The following OVCH2 variants were observed in gnomAD, a reference collection of about 807,000 sequenced individuals.
OVCH2 encodes the protein ovochymase 2.
Under a neutral mutation model 73.7 loss-of-function variants are expected in OVCH2, and 88 were observed. The observed-to-expected ratio is 1.19, with a 90% CI of 1.01 to 1.43. The LOEUF (loss-of-function observed/expected upper bound fraction) is 1.43. OVCH2 is among the 40% of genes most tolerant of loss of function. The pLI is 0.00. For missense variants in OVCH2, 706 were observed against 674.5 expected (o/e 1.05, Z -0.52); for synonymous variants, 265 against 234.5 (o/e 1.13, Z -1.19).
At chr11:7,682,195 G>T in the OVCH2 span, among the ~76,000 whole-genome samples, 2 of 152,172 alleles carry the variant, frequency 1.3e-5, no homozygotes, top group Non-Finnish European at 2.9e-5. Context: ...GTTTGGAGAA[G>T]AAAAAATCTC....
chr11:7,685,240 T>C (rs1294303662), downstream of OVCH2, among the ~76,000 whole-genome samples: 1 of 151,944 alleles, frequency 6.6e-6, no homozygotes, highest in Non-Finnish European at 1.5e-5. Context: ...AGGCACAGAA[T>C]GGGAGGGAGA....
chr11:7,698,591 G>C (rs1856377899), intron 8 of OVCH2, among the ~76,000 whole-genome samples, 159 bp downstream of exon 8: 1 of 141,374 alleles, frequency 7.1e-6, no homozygotes, highest in South Asian at 2.5e-4. Flanking sequence ...GGGCAACTGG[G>C]GCTTCTGCTG....
At chr11:7,689,647 G>A (rs1856182309) in intron 15 of OVCH2, 45 bp from the exon 16 acceptor site, 1 of 524,400 alleles carries the variant, frequency 1.9e-6, no homozygotes, top group Non-Finnish European at 3.7e-6. Context: ...ATCATTACAC[G>A]ATATTCTCCC....
At chr11:7,703,521 C>G (rs1856481017) in intron 3 of OVCH2, among the ~76,000 whole-genome samples, 177 bp downstream of exon 3, 1 of 152,024 alleles carries the variant, frequency 6.6e-6, no homozygotes, top group Non-Finnish European at 1.5e-5. Flanking sequence ...TGTCATCTAC[C>G]AAGTGCCATC....
At chr11:7,700,002 GAAGT>G (rs1233988679) in intron 7 of OVCH2, 3 of 308,604 alleles carry the variant, frequency 9.7e-6, no homozygotes, top group South Asian at 1.3e-4. Context: ...TGAATCCAGA[GAAGT>G]AAGTGGTGAA....
chr11:7,700,655 C>T (rs1282444900), intron 6 of OVCH2, among the ~76,000 whole-genome samples, 170 bp from the exon 7 acceptor site: 1 of 152,172 alleles, frequency 6.6e-6, no homozygotes, highest in Non-Finnish European at 1.5e-5. Context: ...CCATATGATC[C>T]TCAACTATCA....
At position 7,696,530 on chromosome 11, in the gene OVCH2, T is replaced by C. The variant is rs1438885706; in HGVS notation, c.1076A>G (p.His359Arg). ...EEMHVLLSFS[H>R]LDVESCHHSY... ...GTGGTGACAAGACTCAACATCTAGG[T>C]GGGAAAAACTGAGCAACACATGCAT... The change falls in exon 10 of 16, where the codon CAC becomes CGC. Residue 359 changes from histidine to arginine, a missense_variant. Physicochemically the swap from His to Arg is conservative, Grantham distance 29. Coordinates refer to ENST00000533663, the MANE Select transcript of OVCH2 (RefSeq NM_198185.7). 2 of 1,613,982 alleles carry C rather than the reference T, an allele frequency of 1.2e-6. No individual in the cohort carries two copies. The highest frequency in any genetic ancestry group is 3.3e-5 in the Admixed American group (2 of 60,016).
In OVCH2 at chr11:7,691,373, G is replaced by C. The variant is rs200015035; in HGVS notation, c.1535C>G (p.Thr512Ser). The C allele has an allele frequency of 7.7e-4, 1,244 of 1,613,732 alleles. 2 individuals carry two copies. Among genetic ancestry groups the C allele is most frequent in the Non-Finnish European group, 9.8e-4 (1,159 of 1,179,790 alleles). The change falls in exon 14 of 16, where the codon ACC becomes AGC. Residue 512 changes from threonine to serine, a missense_variant. By Grantham distance (58) the Thr-to-Ser change is moderately conservative. Coordinates refer to ENST00000533663, the MANE Select transcript of OVCH2 (RefSeq NM_198185.7). Reference protein sequence around the residue: ...IARLCGYDVPTPVLSPSSIML... With the variant: ...IARLCGYDVPSPVLSPSSIML... The stretch of plus-strand genomic sequence containing the variant: ...GATGCTGGAGGGGCTCAGCACAGGG[G>C]TGGGGACATCATAGCCACACAGCCG...
At chr11:7,681,853 CAAA>C in the OVCH2 span, among the ~76,000 whole-genome samples, 22 of 92,986 alleles carry the variant, frequency 2.4e-4, no homozygotes, top group African/African-American at 4.2e-4. Flanking sequence ...GGGAAATGTC[CAAA>C]AAAAAAAAAA....
downstream of OVCH2, among the ~76,000 whole-genome samples, chr11:7,687,508 T>C (rs1856155788): frequency 6.6e-6 from 1 of 152,106 alleles, no homozygotes. Context: ...TTGGGGACCT[T>C]TCTTTATGAA....
intron 15 of OVCH2, 103 bp from the exon 16 acceptor site, chr11:7,689,705 C>T (rs540270345): frequency 1.6e-6 from 1 of 635,956 alleles, no homozygotes; most frequent in East Asian, 3.2e-5. Context: ...TTAATAAGGA[C>T]ACTAGTCATA....
downstream of OVCH2, among the ~76,000 whole-genome samples, chr11:7,684,506 A>ATGTGTG (rs55770590): frequency 4.2e-3 from 598 of 141,424 alleles, 6 homozygotes; most frequent in South Asian, 0.03. Flanking sequence ...ATACATACAT[A>ATGTGTG]TGTGTGTGTG....
At chr11:7,701,618 A>G in intron 5 of OVCH2, 98 bp downstream of exon 5, 2 of 1,403,690 alleles carry the variant, frequency 1.4e-6, no homozygotes, top group Admixed American at 2.4e-5. Flanking sequence ...AAATGTATGC[A>G]CAATCGATTT....
chr11:7,699,758 G>T (rs1365867405), intron 7 of OVCH2: 1 of 152,194 alleles, frequency 6.6e-6, no homozygotes, highest in Non-Finnish European at 1.5e-5. Flanking sequence ...ATCATTCTTT[G>T]TTGTGGGAGG....
downstream of OVCH2, among the ~76,000 whole-genome samples, chr11:7,685,389 G>T (rs1320508851): frequency 6.6e-6 from 1 of 152,128 alleles, no homozygotes; most frequent in Non-Finnish European, 1.5e-5. Flanking sequence ...TGGAACTTGG[G>T]TGTTATTAAG....
chr11:7,703,181 A>G (rs1215154072), intron 3 of OVCH2, among the ~76,000 whole-genome samples: 1 of 152,222 alleles, frequency 6.6e-6, no homozygotes, highest in Non-Finnish European at 1.5e-5. Context: ...ACAGCCTAGT[A>G]TACGCCCAGA....
Position 7,702,216 on chromosome 11 carries a change from G to C in OVCH2, c.404C>G (p.Thr135Ser), listed in dbSNP as rs1252275109. The change falls in exon 4 of 16, where the codon ACC (threonine) becomes AGC (serine). Residue 135 changes from threonine to serine, a missense_variant. Thr to Ser is a moderately conservative substitution (Grantham distance 58). Coordinates refer to ENST00000533663, the MANE Select transcript of OVCH2 (RefSeq NM_198185.7). ...AATATCATAGTCCATTGGTTTCTTG[G>C]TGGAGAAATGTGGATGTATGATGAC... ...ETVIIHPHFS[T>S]KKPMDYDIAL... is the part of the protein sequence containing the mutation. 6.2e-7 allele frequency: 1 copy of C among 1,612,942 alleles called. No homozygotes were observed. The highest frequency in any genetic ancestry group is 8.5e-7 in the Non-Finnish European group (1 of 1,179,362).
intron 12 of OVCH2, among the ~76,000 whole-genome samples, chr11:7,694,114 A>C (rs1856274322): frequency 6.6e-6 from 1 of 151,778 alleles, no homozygotes; most frequent in South Asian, 2.1e-4. Context: ...TCTCCCCTTT[A>C]TTTTCTGCTC....
chr11:7,689,685 T>C, intron 15 of OVCH2, 83 bp from the exon 16 acceptor site: 1 of 597,414 alleles, frequency 1.7e-6, no homozygotes, highest in East Asian at 3.6e-5. Flanking sequence ...CTGCTTCCAA[T>C]TTTCTCCTTT....
Sources: allele counts gnomAD v4.1 joint callset (sites outside exome capture counted in the v4.1 genomes callset), GRCh38; gene constraint gnomAD v4.1.1; transcripts MANE v1.5; gene names NCBI Gene and HGNC (gene_info 2026-07-23, HGNC 2026-07-21).